Variants in PLPPR4 observed in about 807,000 individuals in gnomAD.
The protein encoded by PLPPR4 is phospholipid phosphatase-related protein type 4.
Under a neutral mutation model 56.6 loss-of-function variants are expected in PLPPR4, and 24 were observed. That is an observed-to-expected ratio of 0.42 (90% CI 0.31 to 0.60). The LOEUF (loss-of-function observed/expected upper bound fraction) is 0.60. Ranked by LOEUF, PLPPR4 falls within the 20% of genes least tolerant of loss-of-function variation. PLPPR4 has a pLI of 0.13. For synonymous variants in PLPPR4, 326 were observed against 328.1 expected (o/e 0.99, Z 0.07); for missense variants, 654 against 885.8 (o/e 0.74, Z 3.32).
At chr1:99,266,662 A>G (rs1466386250) in intron 1 of PLPPR4, among the ~76,000 whole-genome samples, 1 of 152,226 alleles carries the variant, frequency 6.6e-6, no homozygotes, top group Non-Finnish European at 1.5e-5. Flanking sequence ...CTTGAACACA[A>G]TTCATGGAGT....
Position 99,269,034 on chromosome 1 carries a change from G to T in PLPPR4, c.78+4363G>T, listed in dbSNP as rs1658982548. Reference sequence around the variant, plus strand: ...GGTGGTTTGCTGCACCCATCAACCTGCCACCTATATTAGGTATTTCTCCTA... The same window carrying T: ...GGTGGTTTGCTGCACCCATCAACCTTCCACCTATATTAGGTATTTCTCCTA... On this transcript the variant is annotated intron_variant, in intron 1 of 6. Transcript: ENST00000370185. Among the ~76,000 whole-genome samples the T allele has an allele frequency of 2.0e-5, 3 of 152,196 alleles. No homozygotes were observed. The South Asian group carries it at 6.2e-4, about 32-fold the overall frequency.
In PLPPR4 at chr1:99,296,874, G is replaced by A. The variant is rs778369668; in HGVS notation, c.394+7G>A. On this transcript the variant is annotated splice_region_variant and intron_variant, in intron 3 of 6. Coordinates refer to ENST00000370185, the MANE Select transcript of PLPPR4 (RefSeq NM_014839.5). Reference sequence around the variant, plus strand: ...CGAGCTGTCAGATTCGTTGGTGGGTGTGGGGAACCACAAAGAAAAGAAATG... The same window carrying A: ...CGAGCTGTCAGATTCGTTGGTGGGTATGGGGAACCACAAAGAAAAGAAATG... 6.5e-6 allele frequency: 10 copies of A among 1,535,916 alleles called. No homozygotes were observed. In the Admixed American group the frequency reaches 1.4e-4, roughly 22 times the overall value.
intron 1 of PLPPR4, among the ~76,000 whole-genome samples, chr1:99,277,505 G>A (rs536935182): frequency 6.6e-6 from 1 of 152,272 alleles, no homozygotes; most frequent in South Asian, 2.1e-4. Context: ...GCAAATTGAT[G>A]TGGATGGTCT....
intron 1 of PLPPR4, among the ~76,000 whole-genome samples, chr1:99,284,800 A>G (rs916076653): frequency 6.6e-6 from 1 of 152,188 alleles, no homozygotes; most frequent in Non-Finnish European, 1.5e-5. Flanking sequence ...ATATGTATAT[A>G]TAGAGATACA....
At chr1:99,287,291 T>C (rs969317652) in intron 1 of PLPPR4, among the ~76,000 whole-genome samples, 1 of 152,212 alleles carries the variant, frequency 6.6e-6, no homozygotes, top group Non-Finnish European at 1.5e-5. Context: ...CAGTCTATCA[T>C]TGATAGGCAT....
rs908420394 is a variant in PLPPR4, at chr1:99,308,370, C to A, written c.*1360C>A. 1 of 152,176 alleles carries A rather than the reference C, an allele frequency of 6.6e-6. No homozygotes were observed. Among genetic ancestry groups the A allele is most frequent in the Non-Finnish European group, 1.5e-5 (1 of 68,024 alleles). 9.4% of individuals were successfully genotyped at this position (152,176 alleles called of 1,614,324 possible). On this transcript the variant is annotated 3_prime_UTR_variant, in exon 7 of 7. Transcript: ENST00000370185. The stretch of plus-strand genomic sequence containing the variant: ...ACATGCAAACAACCATTGTTGCTAC[C>A]TATCCTGAATCAAGCCTTGAGCCTA...
chr1:99,276,679 A>G (rs1358728160), intron 1 of PLPPR4, among the ~76,000 whole-genome samples: 1 of 152,192 alleles, frequency 6.6e-6, no homozygotes, highest in Non-Finnish European at 1.5e-5. Flanking sequence ...GATAAGCTCT[A>G]TCAAGTTCAA....
At chr1:99,302,749 G>A (rs1315739722) in intron 6 of PLPPR4, among the ~76,000 whole-genome samples, 8 of 142,704 alleles carry the variant, frequency 5.6e-5, no homozygotes, top group Non-Finnish European at 1.0e-4. Flanking sequence ...CCATCTATGA[G>A]TGAGAACATG....
At chr1:99,282,513 T>C (rs1391500837) in intron 1 of PLPPR4, among the ~76,000 whole-genome samples, 3 of 152,160 alleles carry the variant, frequency 2.0e-5, no homozygotes, top group African/African-American at 7.2e-5. Context: ...TTTGTTGAGT[T>C]TTGAACAGCC....
chr1:99,267,340 G>A (rs1189368270), intron 1 of PLPPR4, among the ~76,000 whole-genome samples: 1 of 152,238 alleles, frequency 6.6e-6, no homozygotes, highest in Non-Finnish European at 1.5e-5. Context: ...GGACTGAGTT[G>A]TGTCAGGAAA....
At chr1:99,298,885 T>A (rs1251125431) in intron 3 of PLPPR4, 150 bp from the exon 4 acceptor site, 1 of 712,028 alleles carries the variant, frequency 1.4e-6, no homozygotes, top group Non-Finnish European at 2.5e-6. Flanking sequence ...GTTTAGAAGT[T>A]TAGGAATTTT....
At chr1:99,300,844 T>G in intron 4 of PLPPR4, 65 bp from the exon 5 acceptor site, 2 of 1,225,916 alleles carry the variant, frequency 1.6e-6, no homozygotes, top group Admixed American at 3.4e-5. Context: ...ACTCAGTGTC[T>G]TTGAGATGAT....
At chr1:99,304,652 G>A (rs1659971460) in intron 6 of PLPPR4, among the ~76,000 whole-genome samples, 2 of 152,172 alleles carry the variant, frequency 1.3e-5, no homozygotes, top group Admixed American at 1.3e-4. Context: ...ATTTCTGTCT[G>A]TACTCTTGCC....
intron 2 of PLPPR4, among the ~76,000 whole-genome samples, chr1:99,288,712 G>T (rs900692181): frequency 6.6e-6 from 1 of 151,964 alleles, no homozygotes; most frequent in Non-Finnish European, 1.5e-5. Context: ...TTCAGAAAAG[G>T]CATTTTCATT....
intron 1 of PLPPR4, among the ~76,000 whole-genome samples, chr1:99,286,901 T>G (rs1366401524): frequency 1.3e-5 from 2 of 152,330 alleles, no homozygotes; most frequent in South Asian, 2.1e-4. Context: ...ACTTTGTTGT[T>G]GTTGTTTGTT....
rs148422312 is a variant in PLPPR4, at chr1:99,266,453, C to A, written c.78+1782C>A. Among the ~76,000 whole-genome samples the A allele has an allele frequency of 2.6e-5, 4 of 152,184 alleles. 1 individual carries two copies. Among genetic ancestry groups the A allele is most frequent in the Admixed American group, 1.3e-4 (2 of 15,272 alleles). On this transcript the variant is annotated intron_variant, in intron 1 of 6. Transcript: ENST00000370185. The stretch of plus-strand genomic sequence containing the variant: ...TGGGCGCTTTTGAGGCATCTTTAAC[C>A]GGAGTACATGTCCCTTAAGCAAGAA...
At chr1:99,272,368 C>A (rs1054882057) in intron 1 of PLPPR4, among the ~76,000 whole-genome samples, 1 of 152,090 alleles carries the variant, frequency 6.6e-6, no homozygotes, top group South Asian at 2.1e-4. Context: ...GAACCTAGGT[C>A]TCCTGACTCC....
chr1:99,307,108 A>T lies in PLPPR4; in HGVS notation c.*98A>T, dbSNP rs1660050808. The T allele has an allele frequency of 1.4e-6, 2 of 1,406,276 alleles. No homozygotes were observed. Among genetic ancestry groups the T allele is most frequent in the South Asian group, 1.4e-5 (1 of 72,710 alleles). The allele number at this position is 1,406,276 out of a possible 1,614,324, so 87.1% of individuals were successfully genotyped here. A position where few individuals can be genotyped will look rare whatever the true frequency, so the allele number is the denominator to read the frequency against. On this transcript the variant is annotated 3_prime_UTR_variant, in exon 7 of 7. Transcript: ENST00000370185. Reference sequence around the variant, plus strand: ...GAATTGGGAAGTCTCACCAAGCTAGATTGTCTACCATCAGCCCAGAACTCT... The same window carrying T: ...GAATTGGGAAGTCTCACCAAGCTAGTTTGTCTACCATCAGCCCAGAACTCT...
chr1:99,279,782 A>G (rs570687446), intron 1 of PLPPR4, among the ~76,000 whole-genome samples: 1 of 152,322 alleles, frequency 6.6e-6, no homozygotes, highest in Non-Finnish European at 1.5e-5. Context: ...ATGCTATTTT[A>G]CTTATCTGGG....
Sources: allele counts gnomAD v4.1 joint callset (sites outside exome capture counted in the v4.1 genomes callset), GRCh38; gene constraint gnomAD v4.1.1; transcripts MANE v1.5; gene names NCBI Gene and HGNC (gene_info 2026-07-23, HGNC 2026-07-21).